Variants in DLG2 observed in about 807,000 individuals in gnomAD.
DLG2 encodes the protein disks large homolog 2.
A neutral mutation model predicts 132.5 loss-of-function variants in DLG2; 45 were observed. That is an observed-to-expected ratio of 0.34 (90% CI 0.27 to 0.44). DLG2 has a LOEUF of 0.44. Ranked by LOEUF, DLG2 falls within the 20% of genes least tolerant of loss-of-function variation. DLG2 has a pLI of 1.00. For synonymous variants in DLG2, 424 were observed against 419.6 expected (o/e 1.01, Z -0.13); for missense variants, 1,045 against 1,196.9 (o/e 0.87, Z 1.87).
chr11:85,406,490 A>T (rs1451437288), intron 3 of DLG2, among the ~76,000 whole-genome samples: 1 of 151,884 alleles, frequency 6.6e-6, no homozygotes, highest in Non-Finnish European at 1.5e-5. Context: ...GTTAAATCTA[A>T]GCAGCTGCTG....
intron 9 of DLG2, among the ~76,000 whole-genome samples, chr11:84,100,937 A>G (rs1353861502): frequency 2.6e-5 from 4 of 152,160 alleles, no homozygotes; most frequent in African/African-American, 9.6e-5. Context: ...GAAATGAATA[A>G]TTCAGCTATG....
rs535383589 is a variant in DLG2, at chr11:85,297,930, GT to G, written c.41-12566del. ...AGGAAGGCCAAATAGGCTACATAAT[GT>G]CTGAGCATGGAGTTAAAACCTGAGT... On this transcript the variant is annotated intron_variant, in intron 3 of 27. Coordinates refer to ENST00000376104, the MANE Select transcript of DLG2 (RefSeq NM_001142699.3). 2.4e-4 allele frequency among the ~76,000 whole-genome samples: 37 copies of G among 152,326 alleles called. 1 individual carries two copies. The highest frequency in any genetic ancestry group is 7.2e-4 in the African/African-American group (30 of 41,568).
At chr11:83,532,816 G>A (rs778995371) in intron 20 of DLG2, 33 bp from the exon 21 acceptor site, 14 of 1,580,954 alleles carry the variant, frequency 8.9e-6, no homozygotes, top group Non-Finnish European at 1.1e-5. Flanking sequence ...AGTCTCTCAC[G>A]TGACAAGGCA....
At chr11:85,019,434 T>C (rs1199398318) in intron 6 of DLG2, among the ~76,000 whole-genome samples, 1 of 152,034 alleles carries the variant, frequency 6.6e-6, no homozygotes, top group Non-Finnish European at 1.5e-5. Context: ...AAAGAAATAA[T>C]GGGATAAGAT....
chr11:83,790,891 C>G (rs1179648288), intron 17 of DLG2: 2 of 773,798 alleles, frequency 2.6e-6, no homozygotes, highest in African/African-American at 3.5e-5. Flanking sequence ...GGACACATCC[C>G]CTCATCTAAA....
chr11:84,185,573 T>C (rs1196145825), intron 8 of DLG2, among the ~76,000 whole-genome samples: 1 of 152,182 alleles, frequency 6.6e-6, no homozygotes, highest in Non-Finnish European at 1.5e-5. Flanking sequence ...TTCCTTCTCC[T>C]GCCTGATTGC....
chr11:84,080,775 T>G (rs542095444), intron 10 of DLG2, among the ~76,000 whole-genome samples: 7 of 152,068 alleles, frequency 4.6e-5, no homozygotes, highest in Non-Finnish European at 8.8e-5. Context: ...GTGGATCACC[T>G]GAGGTCTGGA....
intron 6 of DLG2, among the ~76,000 whole-genome samples, chr11:84,956,444 G>C (rs188633049): frequency 6.6e-6 from 1 of 152,140 alleles, no homozygotes; most frequent in Non-Finnish European, 1.5e-5. Flanking sequence ...TTTGAACCAG[G>C]TCATATTTGA....
intron 8 of DLG2, among the ~76,000 whole-genome samples, chr11:84,211,030 G>A (rs560832094): frequency 2.6e-5 from 4 of 152,186 alleles, no homozygotes; most frequent in East Asian, 3.9e-4. Context: ...GCTCTGACTT[G>A]AACTCTTGAA....
In DLG2 at chr11:84,493,006, G is replaced by C. The variant is rs112736723; in HGVS notation, c.519+41564C>G. ...TTTTCTATGATCTTAAAATGAAATG[G>C]CCATTGGGTATGGGAAAGAAGAGTG... On this transcript the variant is annotated intron_variant, in intron 7 of 27. Transcript: ENST00000376104. Among the ~76,000 whole-genome samples the C allele has an allele frequency of 7.8e-4, 118 of 152,188 alleles. 1 individual carries two copies. Among genetic ancestry groups the C allele is most frequent in the African/African-American group, 2.7e-3 (112 of 41,538 alleles).
intron 3 of DLG2, among the ~76,000 whole-genome samples, chr11:85,488,631 A>G (rs1407910228): frequency 6.6e-6 from 1 of 152,216 alleles, no homozygotes; most frequent in Non-Finnish European, 1.5e-5. Flanking sequence ...TTACCTATAA[A>G]GGAAACCCCT....
chr11:85,268,617 T>A (rs2077354719), intron 4 of DLG2, among the ~76,000 whole-genome samples: 1 of 152,228 alleles, frequency 6.6e-6, no homozygotes, highest in Admixed American at 6.5e-5. Context: ...TGGGTAAAGC[T>A]CTAGGATGTA....
intron 11 of DLG2, among the ~76,000 whole-genome samples, chr11:83,998,028 G>A (rs555512448): frequency 1.3e-4 from 20 of 151,860 alleles, no homozygotes; most frequent in Middle Eastern, 3.4e-3. Flanking sequence ...CCAGCTACTC[G>A]GGAGGCTGAG....
At chr11:84,728,745 T>C (rs1238652910) in intron 6 of DLG2, among the ~76,000 whole-genome samples, 3 of 152,202 alleles carry the variant, frequency 2.0e-5, no homozygotes, top group South Asian at 2.1e-4. Context: ...TGTTAGGCTA[T>C]TAAGTACTGC....
chr11:84,883,037 T>C (rs2087610849), intron 6 of DLG2, among the ~76,000 whole-genome samples: 1 of 152,086 alleles, frequency 6.6e-6, no homozygotes, highest in African/African-American at 2.4e-5. Flanking sequence ...CTATTCACAA[T>C]AGCAAAGACT....
At chr11:85,603,268 C>G (rs967864222) in intron 2 of DLG2, among the ~76,000 whole-genome samples, 3 of 152,100 alleles carry the variant, frequency 2.0e-5, no homozygotes, top group African/African-American at 7.2e-5. Context: ...CAGCAGTTTC[C>G]CCAAAATGAT....
intron 3 of DLG2, among the ~76,000 whole-genome samples, chr11:85,411,227 A>T (rs2152979901): frequency 6.6e-6 from 1 of 151,950 alleles, no homozygotes; most frequent in East Asian, 1.9e-4. Flanking sequence ...TGCAGTGTAC[A>T]TCTGCAAAAA....
At chr11:85,518,716 A>G (rs1445613636) in intron 3 of DLG2, among the ~76,000 whole-genome samples, 1 of 152,164 alleles carries the variant, frequency 6.6e-6, no homozygotes, top group Non-Finnish European at 1.5e-5. Flanking sequence ...AAATGTCTCC[A>G]AGACATGTTA....
intron 8 of DLG2, among the ~76,000 whole-genome samples, chr11:84,195,217 G>A (rs2096493363): frequency 6.6e-6 from 1 of 152,222 alleles, no homozygotes; most frequent in Non-Finnish European, 1.5e-5. Context: ...GGGCTGGAGT[G>A]CAGTGGTGCG....
Sources: gnomAD v4.1 joint callset for allele counts (sites outside exome capture counted in the v4.1 genomes callset) on GRCh38, gnomAD v4.1.1 for gene constraint, MANE v1.5 for transcripts, NCBI Gene and HGNC (gene_info 2026-07-23, HGNC 2026-07-21) for gene names.